EML4: variants seen among roughly 807,000 people sequenced by gnomAD.
The protein encoded by EML4 is echinoderm microtubule-associated protein-like 4.
A neutral mutation model predicts 129.0 loss-of-function variants in EML4; 72 were observed. The ratio of observed to expected loss-of-function variants is 0.56; its 90% CI spans 0.46 to 0.68. The LOEUF is 0.68. Ranked by LOEUF, EML4 falls within the 30% of genes least tolerant of loss-of-function variation. The pLI is 0.00. For synonymous variants in EML4, 532 were observed against 405.0 expected (o/e 1.31, Z -3.77); for missense variants, 1,363 against 1,190.6 (o/e 1.14, Z -2.13).
chr2:42,320,401 A>G (rs1055048151), intron 19 of EML4, among the ~76,000 whole-genome samples: 4 of 152,124 alleles, frequency 2.6e-5, no homozygotes, highest in East Asian at 3.9e-4. Context: ...GGGTACACCA[A>G]TTTTTTGTTA....
chr2:42,310,896 C>CGTAA (rs1208755811), intron 17 of EML4, among the ~76,000 whole-genome samples: 1 of 151,948 alleles, frequency 6.6e-6, no homozygotes, highest in Non-Finnish European at 1.5e-5. Context: ...AAACATAGTC[C>CGTAA]TTACAATGAA....
intron 1 of EML4, among the ~76,000 whole-genome samples, chr2:42,237,905 A>T (rs1023102873): frequency 2.0e-5 from 3 of 152,184 alleles, no homozygotes; most frequent in Admixed American, 6.5e-5. Flanking sequence ...TTAAGTATGA[A>T]TAAGTTTTAA....
intron 1 of EML4, among the ~76,000 whole-genome samples, chr2:42,232,361 A>AGTTCC (rs1230211709): frequency 6.6e-6 from 1 of 152,234 alleles, no homozygotes; most frequent in Non-Finnish European, 1.5e-5. Context: ...TTCTAACCTT[A>AGTTCC]GGAACCTCTA....
chr2:42,182,581 C>T (rs1429398690), intron 1 of EML4, among the ~76,000 whole-genome samples: 1 of 152,120 alleles, frequency 6.6e-6, no homozygotes, highest in African/African-American at 2.4e-5. Flanking sequence ...GAAGGGGAGA[C>T]ACCTAATCAT....
rs553526554 is a variant in EML4, at chr2:42,306,594, G to A, written c.1967+2043G>A. Among the ~76,000 whole-genome samples the A allele has an allele frequency of 1.3e-4, 19 of 142,484 alleles. No homozygotes were observed. In the South Asian group the frequency reaches 1.6e-3, roughly 12 times the overall value. The allele number at this position is 142,484 out of a possible 152,430, so 93.5% of individuals were successfully genotyped here. ...AGCAAGTTCCGCCTCCTGGGTTCACGCCATTCTCCTGCCTCAGCCTCCAAA... is the reference window on the plus strand; with the variant it reads ...AGCAAGTTCCGCCTCCTGGGTTCACACCATTCTCCTGCCTCAGCCTCCAAA... On this transcript the variant is annotated intron_variant, in intron 17 of 22. Transcript: ENST00000318522.
chr2:42,266,167 T>C (rs766778862), intron 6 of EML4, among the ~76,000 whole-genome samples: 31 of 152,246 alleles, frequency 2.0e-4, no homozygotes, highest in Non-Finnish European at 3.8e-4. Context: ...ATATTTGTAA[T>C]AGTCTTTAGG....
At chr2:42,220,226 C>A (rs1410974981) in intron 1 of EML4, among the ~76,000 whole-genome samples, 1 of 130,514 alleles carries the variant, frequency 7.7e-6, no homozygotes, top group Non-Finnish European at 1.6e-5. Flanking sequence ...TTGCACTTTG[C>A]AGATACTGTA....
At chr2:42,169,677 A>G (rs765677378) in intron 1 of EML4, 41 bp downstream of exon 1, 4 of 1,589,056 alleles carry the variant, frequency 2.5e-6, no homozygotes, top group Admixed American at 3.5e-5. Context: ...TGCGAAGGGT[A>G]GGAACTTTTT....
chr2:42,173,250 C>G (rs947502115), intron 1 of EML4, among the ~76,000 whole-genome samples: 3 of 151,976 alleles, frequency 2.0e-5, no homozygotes, highest in Admixed American at 2.0e-4. Flanking sequence ...ACATATTAAT[C>G]TAAAGCATTC....
chr2:42,298,187 G>C (rs1008879567), intron 13 of EML4, among the ~76,000 whole-genome samples: 1 of 152,180 alleles, frequency 6.6e-6, no homozygotes, highest in Admixed American at 6.5e-5. Context: ...AATGGGCCCA[G>C]TTGCTAAGAA....
intron 2 of EML4, among the ~76,000 whole-genome samples, chr2:42,253,764 C>T (rs776744019): frequency 2.8e-4 from 43 of 152,240 alleles, no homozygotes; most frequent in Admixed American, 4.6e-4. Flanking sequence ...TCTCACCTCA[C>T]GCCATAAACA....
intron 11 of EML4, among the ~76,000 whole-genome samples, chr2:42,290,727 G>T (rs930788013): frequency 6.6e-6 from 1 of 152,064 alleles, no homozygotes; most frequent in South Asian, 2.1e-4. Flanking sequence ...GCGAGACCCT[G>T]TCTCAAAAAA....
chr2:42,307,804 A>C (rs1366251086), intron 17 of EML4, among the ~76,000 whole-genome samples: 11 of 152,054 alleles, frequency 7.2e-5, no homozygotes, highest in Admixed American at 7.2e-4. Context: ...ACAGGCGCCC[A>C]CCACCATACC....
chr2:42,169,720 C>A, intron 1 of EML4, 84 bp downstream of exon 1: 1 of 1,475,690 alleles, frequency 6.8e-7, no homozygotes, highest in Non-Finnish European at 9.1e-7. Context: ...CCTGCCCTCC[C>A]GCCTGCCCCT....
intron 1 of EML4, among the ~76,000 whole-genome samples, chr2:42,243,175 A>C (rs554406019): frequency 6.6e-6 from 1 of 152,210 alleles, no homozygotes; most frequent in Non-Finnish European, 1.5e-5. Flanking sequence ...AGCATCATAG[A>C]TTGACAGCTC....
At chr2:42,277,682 C>T (rs1423064151) in intron 6 of EML4, among the ~76,000 whole-genome samples, 2 of 151,706 alleles carry the variant, frequency 1.3e-5, no homozygotes, top group South Asian at 4.2e-4. Flanking sequence ...AATTCTCCTG[C>T]CTCAGCCTTC....
At chr2:42,321,622 T>C (rs1045077582) in intron 19 of EML4, among the ~76,000 whole-genome samples, 3 of 152,036 alleles carry the variant, frequency 2.0e-5, no homozygotes, top group African/African-American at 7.2e-5. Context: ...TCTCAGAGTT[T>C]TCCTGGAAGC....
intron 19 of EML4, among the ~76,000 whole-genome samples, chr2:42,318,406 T>TA (rs1374811398): frequency 1.3e-5 from 2 of 152,342 alleles, no homozygotes; most frequent in East Asian, 1.9e-4. Flanking sequence ...GGCCATGTAC[T>TA]ATTTGAGGAA....
chr2:42,187,289 C>G (rs957902263), intron 1 of EML4, among the ~76,000 whole-genome samples: 3 of 152,006 alleles, frequency 2.0e-5, no homozygotes, highest in Non-Finnish European at 4.4e-5. Context: ...CTCAAGTGAT[C>G]TGCCTGCTTC....
Sources: allele counts gnomAD v4.1 joint callset (sites outside exome capture counted in the v4.1 genomes callset), GRCh38; gene constraint gnomAD v4.1.1; transcripts MANE v1.5; gene names NCBI Gene and HGNC (gene_info 2026-07-23, HGNC 2026-07-21).